The following KLF7 variants were observed in gnomAD, a reference collection of about 807,000 sequenced individuals.
KLF7 encodes the protein KLF transcription factor 7, also known as Krueppel-like factor 7.
In KLF7, 2 loss-of-function variants were observed where a neutral mutation model predicts 27.3. That is an observed-to-expected ratio of 0.07 (90% confidence interval 0.03 to 0.23). KLF7 has a LOEUF of 0.23. KLF7 is among the 10% of genes least tolerant of loss of function. The pLI, the probability that KLF7 is intolerant of heterozygous loss-of-function variation, is 1.00. For missense variants in KLF7, 221 were observed against 394.1 expected (o/e 0.56, Z 3.72); for synonymous variants, 165 against 162.4 (o/e 1.02, Z -0.12).
chr2:207,079,014 G>A lies in KLF7; in HGVS notation c.*2199C>T, dbSNP rs548627788. 5 of 151,974 alleles carry A rather than the reference G, an allele frequency of 3.3e-5. No homozygotes were observed. Among genetic ancestry groups the A allele is most frequent in the Non-Finnish European group, 7.4e-5 (5 of 68,022 alleles). 9.4% of individuals were successfully genotyped at this position (151,974 alleles called of 1,614,324 possible). On this transcript the variant is annotated 3_prime_UTR_variant, in exon 4 of 4. Coordinates refer to ENST00000309446, the MANE Select transcript of KLF7 (RefSeq NM_003709.4). The stretch of plus-strand genomic sequence containing the variant: ...ATGGACAGATTTTGTGTGTGTGTGC[G>A]CGTGTGTGTTAACGGGTGTTCTTTC...
intron 1 of KLF7, among the ~76,000 whole-genome samples, chr2:207,125,861 G>A (rs1170492010): frequency 6.6e-6 from 1 of 152,182 alleles, no homozygotes; most frequent in Non-Finnish European, 1.5e-5. Flanking sequence ...TCCACATGAT[G>A]CAGGTATAGA....
intron 1 of KLF7, among the ~76,000 whole-genome samples, chr2:207,144,261 A>T (rs2078034776): frequency 6.6e-6 from 1 of 152,136 alleles, no homozygotes; most frequent in African/African-American, 2.4e-5. Flanking sequence ...GCAAGTGAAA[A>T]GTCATGTCAA....
upstream of KLF7, chr2:207,166,937 G>GGGCGCCGCC (rs2078732237): frequency 1.4e-6 from 1 of 710,130 alleles, no homozygotes; most frequent in South Asian, 6.3e-5. Context: ...CCCGCCCCGC[G>GGGCGCCGCC]GGCGCCGCCG....
At chr2:207,145,902 T>C (rs2078084231) in intron 1 of KLF7, among the ~76,000 whole-genome samples, 2 of 152,152 alleles carry the variant, frequency 1.3e-5, no homozygotes, top group African/African-American at 4.8e-5. Flanking sequence ...AGAAATTAAG[T>C]GAATGAACTA....
Position 207,080,207 on chromosome 2 carries a change from C to CGA in KLF7, c.*1004_*1005dup, listed in dbSNP as rs1176815203. 4.6e-5 allele frequency: 7 copies of CGA among 152,002 alleles called. No homozygotes were observed. The highest frequency in any genetic ancestry group is 1.7e-4 in the African/African-American group (7 of 41,366). 9.4% of individuals were successfully genotyped at this position (152,002 alleles called of 1,614,324 possible). ...CTTCGAGAGCTGGACATCCAGGTGC[C>CGA]GAGAGAGTCCTGGAGAGGTTTAGTC... On this transcript the variant is annotated 3_prime_UTR_variant, in exon 4 of 4. Transcript: ENST00000309446.
chr2:207,132,789 A>C (rs1356251513), intron 1 of KLF7, among the ~76,000 whole-genome samples: 2 of 152,240 alleles, frequency 1.3e-5, no homozygotes, highest in African/African-American at 4.8e-5. Context: ...CGCTTGAAGG[A>C]AGGCACTGGG....
chr2:207,153,549 C>A (rs1162578991), intron 1 of KLF7, among the ~76,000 whole-genome samples: 1 of 151,962 alleles, frequency 6.6e-6, no homozygotes, highest in Non-Finnish European at 1.5e-5. Flanking sequence ...GTTAGGTGTT[C>A]AAGTTTCCTT....
chr2:207,100,056 G>A (rs1051793831), intron 2 of KLF7, among the ~76,000 whole-genome samples: 2 of 152,164 alleles, frequency 1.3e-5, no homozygotes, highest in Admixed American at 6.5e-5. Flanking sequence ...CTTGAGCAGG[G>A]GAGGCTGAGG....
intron 1 of KLF7, among the ~76,000 whole-genome samples, chr2:207,139,291 G>A (rs1293344448): frequency 6.6e-6 from 1 of 152,126 alleles, no homozygotes; most frequent in Non-Finnish European, 1.5e-5. Context: ...ATCTGAAAAT[G>A]CTTATCGATA....
intron 1 of KLF7, chr2:207,134,023 A>G (rs1263679343): frequency 2.0e-6 from 3 of 1,475,988 alleles, no homozygotes; most frequent in Non-Finnish European, 2.7e-6. Context: ...TTGCACACAC[A>G]CTCACACACC....
At chr2:207,106,651 T>G (rs2076891220) in intron 2 of KLF7, among the ~76,000 whole-genome samples, 1 of 152,206 alleles carries the variant, frequency 6.6e-6, no homozygotes, top group Non-Finnish European at 1.5e-5. Flanking sequence ...ATACATGCTC[T>G]GGGGACTTTG....
chr2:207,077,902 T>C lies in KLF7; in HGVS notation c.*3311A>G, dbSNP rs933088015. 6.6e-6 allele frequency: 1 copy of C among 152,192 alleles called. No homozygotes were observed. The highest frequency in any genetic ancestry group is 2.4e-5 in the African/African-American group (1 of 41,436). 9.4% of individuals were successfully genotyped at this position (152,192 alleles called of 1,614,324 possible). ...ACCACCAGAAACACCAGGCCGGGTT[T>C]TTCCTTTCAAATTTGGGATCCCCTG... On this transcript the variant is annotated 3_prime_UTR_variant, in exon 4 of 4. Transcript: ENST00000309446.
At position 207,165,532 on chromosome 2, in the gene KLF7, G is replaced by A; in HGVS notation, c.37C>T (p.Leu13=). The change falls in exon 1 of 4, where the codon CTA becomes TTA. Residue 13 remains leucine (L), a synonymous_variant. Transcript: ENST00000309446. ...VLASYSIFQE[L]QLVHDTGYFS... ...TAGCCGGTGTCGTGGACAAGTTGTA[G>A]CTCCTGGAATATACTATAACTAGCC... 1.9e-6 allele frequency: 3 copies of A among 1,614,072 alleles called. No homozygotes were observed. The highest frequency in any genetic ancestry group is 8.5e-7 in the Non-Finnish European group (1 of 1,180,002).
At chr2:207,097,691 GT>G (rs1228958846) in intron 2 of KLF7, among the ~76,000 whole-genome samples, 3 of 152,204 alleles carry the variant, frequency 2.0e-5, no homozygotes, top group African/African-American at 4.8e-5. Flanking sequence ...GAGGAAGACT[GT>G]GTTGGTCATG....
chr2:207,102,032 G>C (rs1296363218), intron 2 of KLF7, among the ~76,000 whole-genome samples: 1 of 151,688 alleles, frequency 6.6e-6, no homozygotes, highest in Non-Finnish European at 1.5e-5. Context: ...CAGTTACCTA[G>C]ATCTTCCTAC....
intron 1 of KLF7, among the ~76,000 whole-genome samples, chr2:207,130,880 G>C (rs988285991): frequency 6.6e-6 from 1 of 152,122 alleles, no homozygotes; most frequent in Non-Finnish European, 1.5e-5. Flanking sequence ...TAAAGAAATT[G>C]CAATTTTCTA....
intron 1 of KLF7, among the ~76,000 whole-genome samples, chr2:207,161,401 T>C (rs2078542052): frequency 6.6e-6 from 1 of 152,206 alleles, no homozygotes; most frequent in Admixed American, 6.5e-5. Flanking sequence ...CAAGGCTCCT[T>C]TGTGTCTACA....
chr2:207,121,026 A>G (rs1301258753), intron 2 of KLF7: 1 of 152,154 alleles, frequency 6.6e-6, no homozygotes, highest in Non-Finnish European at 1.5e-5. Context: ...TCTTTCTTGT[A>G]GCACCTACTT....
chr2:207,084,442 A>C (rs2076342151), intron 3 of KLF7, among the ~76,000 whole-genome samples: 1 of 152,178 alleles, frequency 6.6e-6, no homozygotes, highest in South Asian at 2.1e-4. Flanking sequence ...TCAGGGAAAA[A>C]AAAGTGGAAA....
Sources: gnomAD v4.1 joint callset for allele counts (sites outside exome capture counted in the v4.1 genomes callset) on GRCh38, gnomAD v4.1.1 for gene constraint, MANE v1.5 for transcripts, NCBI Gene and HGNC (gene_info 2026-07-23, HGNC 2026-07-21) for gene names.